The following DYSF variants were observed in gnomAD, a reference collection of about 807,000 sequenced individuals.
The protein encoded by DYSF is dystrophy-associated fer-1-like 1.
DYSF carries 212 observed loss-of-function variants against 274.9 expected under a neutral mutation model. The observed-to-expected ratio is 0.77, with a 90% CI of 0.69 to 0.86. The LOEUF (loss-of-function observed/expected upper bound fraction) is 0.86. Ranked by LOEUF, DYSF falls within the 40% of genes least tolerant of loss-of-function variation. DYSF has a pLI of 0.00. For missense variants in DYSF, 2,666 were observed against 2,783.2 expected, an observed-to-expected ratio of 0.96 and a Z score of 0.95; for synonymous variants, 1,091 against 1,078.7, an observed-to-expected ratio of 1.01 and a Z score of -0.22.
intron 36 of DYSF, among the ~76,000 whole-genome samples, chr2:71,606,545 T>C (rs1055822168): frequency 6.6e-6 from 1 of 152,082 alleles, no homozygotes; most frequent in Non-Finnish European, 1.5e-5. Flanking sequence ...GAGGGGGTGC[T>C]GTGCCCCTCA....
At position 71,612,742 on chromosome 2, in the gene DYSF, C is replaced by T. The variant is rs758538165; in HGVS notation, c.4323C>T (p.Arg1441=). The change falls in exon 39 of 56, where the codon CGC becomes CGT. Residue 1441 remains arginine, a synonymous_variant. Transcript: ENST00000410020. Reference sequence around the variant, plus strand: ...CTGTGGTGGGCCAGTGTACCATCCGCTCCCTGGAGAGCTTCCTGTGTGACC... The same window carrying T: ...CTGTGGTGGGCCAGTGTACCATCCGTTCCCTGGAGAGCTTCCTGTGTGACC... ...RRPVVGQCTI[R]SLESFLCDPY... 7.4e-6 allele frequency: 12 copies of T among 1,614,066 alleles called. No homozygotes were observed. The highest frequency in any genetic ancestry group is 1.0e-5 in the Non-Finnish European group (12 of 1,180,032).
chr2:71,603,916 C>T (rs962315292), intron 36 of DYSF, among the ~76,000 whole-genome samples: 5 of 152,176 alleles, frequency 3.3e-5, no homozygotes, highest in East Asian at 3.9e-4. Flanking sequence ...GCTCAGATTC[C>T]GAGGGCAGGG....
chr2:71,586,023 G>A (rs2093055136), intron 30 of DYSF, among the ~76,000 whole-genome samples: 1 of 152,082 alleles, frequency 6.6e-6, no homozygotes, highest in Non-Finnish European at 1.5e-5. Context: ...GGGGGTGTAG[G>A]GGTTTGGGGG....
At chr2:71,581,499 C>T (rs17501640) in intron 30 of DYSF, among the ~76,000 whole-genome samples, 3,305 of 152,356 alleles carry the variant, frequency 0.022, 56 homozygotes, top group South Asian at 0.052. Context: ...TGTGGGGTTT[C>T]CCTGCAAGCT....
chr2:71,517,080 C>G (rs747540377), intron 10 of DYSF, 41 bp downstream of exon 10: 1 of 1,595,284 alleles, frequency 6.3e-7, no homozygotes. Flanking sequence ...GTTCTCACTT[C>G]TCCGTGTTGG....
At chr2:71,566,523 T>A (rs2092117894) in intron 24 of DYSF, among the ~76,000 whole-genome samples, 1 of 151,352 alleles carries the variant, frequency 6.6e-6, no homozygotes, top group Non-Finnish European at 1.5e-5. Flanking sequence ...TTGGAAAAAA[T>A]GAGCACCAGC....
chr2:71,457,815 C>T (rs2081130072), intron 1 of DYSF, among the ~76,000 whole-genome samples: 1 of 152,174 alleles, frequency 6.6e-6, no homozygotes, highest in African/African-American at 2.4e-5. Context: ...TAAGCCAAGG[C>T]CAGGGCAATG....
chr2:71,640,066 A>G (rs2094463968), intron 41 of DYSF, among the ~76,000 whole-genome samples: 1 of 152,246 alleles, frequency 6.6e-6, no homozygotes, highest in Non-Finnish European at 1.5e-5. Flanking sequence ...GAGGTTAAGT[A>G]GTGACCCAAT....
intron 32 of DYSF, among the ~76,000 whole-genome samples, 159 bp from the exon 33 acceptor site, chr2:71,598,405 G>C (rs897713485): frequency 6.6e-6 from 1 of 152,228 alleles, no homozygotes; most frequent in Non-Finnish European, 1.5e-5. Flanking sequence ...GGGGCTAGGA[G>C]AGCCCCATAG....
chr2:71,581,842 C>G (rs2092908112), intron 30 of DYSF, among the ~76,000 whole-genome samples: 2 of 152,150 alleles, frequency 1.3e-5, no homozygotes, highest in South Asian at 4.1e-4. Flanking sequence ...GGCCCTCTGC[C>G]TGCTTTTGTA....
At chr2:71,603,665 T>C (rs1279431537) in intron 36 of DYSF, among the ~76,000 whole-genome samples, 1 of 152,116 alleles carries the variant, frequency 6.6e-6, no homozygotes, top group Non-Finnish European at 1.5e-5. Flanking sequence ...CCAAGTGAGC[T>C]CGCTGTAATT....
intron 2 of DYSF, among the ~76,000 whole-genome samples, chr2:71,481,286 C>T (rs531854494): frequency 6.6e-6 from 1 of 152,248 alleles, no homozygotes; most frequent in African/African-American, 2.4e-5. Flanking sequence ...CCCCACAGCC[C>T]TCCCTGATGA....
At chr2:71,663,268 C>T (rs576275505) in intron 45 of DYSF, among the ~76,000 whole-genome samples, 43 of 152,328 alleles carry the variant, frequency 2.8e-4, no homozygotes, top group Non-Finnish European at 4.0e-4. Flanking sequence ...CCAGAGGTTC[C>T]TCAGAGAGCC....
At chr2:71,576,942 G>A (rs2092718736) in intron 30 of DYSF, 1 of 152,302 alleles carries the variant, frequency 6.6e-6, no homozygotes, top group South Asian at 2.1e-4. Context: ...GAAGTCAGCA[G>A]CCATGGGCGG....
intron 4 of DYSF, 71 bp from the exon 5 acceptor site, chr2:71,511,736 A>T: frequency 1.0e-6 from 1 of 958,620 alleles, no homozygotes; most frequent in Non-Finnish European, 1.6e-6. Context: ...TGCCAGAAAC[A>T]GGGAAGATAC....
At chr2:71,647,594 T>C (rs999797110) in intron 42 of DYSF, among the ~76,000 whole-genome samples, 14 of 152,110 alleles carry the variant, frequency 9.2e-5, no homozygotes, top group Non-Finnish European at 1.2e-4. Context: ...TCAAAATATA[T>C]GTAAGGGCTG....
chr2:71,547,765 T>C (rs924752247), intron 17 of DYSF, among the ~76,000 whole-genome samples: 5 of 152,154 alleles, frequency 3.3e-5, no homozygotes, highest in African/African-American at 7.2e-5. Flanking sequence ...GTTGGTCAGA[T>C]GGCCGATGGG....
At chr2:71,487,906 G>A (rs1269297017) in intron 3 of DYSF, among the ~76,000 whole-genome samples, 6 of 152,178 alleles carry the variant, frequency 3.9e-5, no homozygotes, top group Admixed American at 3.3e-4. Context: ...TTATGTATGT[G>A]ATTATTGGCA....
chr2:71,556,051 T>A lies in DYSF; in HGVS notation c.2196T>A (p.Asp732Glu). 5 of 1,575,180 alleles carry A rather than the reference T, an allele frequency of 3.2e-6. No individual in the cohort carries two copies. The highest frequency in any genetic ancestry group is 4.3e-6 in the Non-Finnish European group (5 of 1,161,084). ...DVDSLVAQLT[D>E]ELIAGCSQPL... The stretch of plus-strand genomic sequence containing the variant: ...ACTCGCTGGTGGCTCAGCTGACGGA[T>A]GAGCTCATCGCAGGCTGCAGGTAGG... The change falls in exon 22 of 56, where the codon GAT becomes GAA. Residue 732 changes from aspartate (D) to glutamate (E), a missense_variant. Physicochemically the swap from Asp to Glu is conservative, Grantham distance 45. Transcript: ENST00000410020.
Sources: allele counts gnomAD v4.1 joint callset (sites outside exome capture counted in the v4.1 genomes callset), GRCh38; gene constraint gnomAD v4.1.1; transcripts MANE v1.5; gene names NCBI Gene and HGNC (gene_info 2026-07-23, HGNC 2026-07-21).